ARSB: variants seen among roughly 807,000 people sequenced by gnomAD.
ARSB encodes the protein arylsulfatase B.
ARSB carries 41 observed loss-of-function variants against 50.9 expected under a neutral mutation model. That is an observed-to-expected ratio of 0.81 (90% CI 0.63 to 1.04). The LOEUF (loss-of-function observed/expected upper bound fraction) is 1.04. Ranked by LOEUF, ARSB falls within the 50% of genes least tolerant of loss-of-function variation. ARSB has a pLI of 0.00. For synonymous variants in ARSB, 269 were observed against 284.8 expected, an observed-to-expected ratio of 0.94 and a Z score of 0.56; for missense variants, 672 against 693.3, an observed-to-expected ratio of 0.97 and a Z score of 0.35.
intron 5 of ARSB, among the ~76,000 whole-genome samples, chr5:78,874,796 A>G (rs1288313238): frequency 2.6e-5 from 4 of 152,178 alleles, no homozygotes; most frequent in Non-Finnish European, 5.9e-5. Context: ...AAGACCATCT[A>G]CTAGGCCAAG....
At chr5:78,966,587 C>T (rs12109126) in intron 2 of ARSB, among the ~76,000 whole-genome samples, 40,278 of 152,110 alleles carry the variant, frequency 0.26, 6,627 homozygotes, top group African/African-American at 0.47. Context: ...TCATAACCTT[C>T]TTGGCTGCAA....
chr5:78,864,164 TA>T (rs1428567470), intron 5 of ARSB, among the ~76,000 whole-genome samples: 7 of 151,846 alleles, frequency 4.6e-5, no homozygotes, highest in South Asian at 2.1e-4. Context: ...AAAAGAGGGT[TA>T]GGGGGTACAA....
chr5:78,979,894 C>T (rs1561539415), intron 1 of ARSB, among the ~76,000 whole-genome samples: 1 of 152,160 alleles, frequency 6.6e-6, no homozygotes, highest in Non-Finnish European at 1.5e-5. Context: ...GCGCAAACAA[C>T]CTAATGTCCA....
chr5:78,848,549 G>C (rs1745576007), intron 5 of ARSB, among the ~76,000 whole-genome samples: 1 of 151,474 alleles, frequency 6.6e-6, no homozygotes, highest in Admixed American at 6.6e-5. Context: ...CTTTATAGCA[G>C]CATGATTTAT....
chr5:78,943,027 T>G (rs537775900), intron 4 of ARSB, among the ~76,000 whole-genome samples: 1 of 152,346 alleles, frequency 6.6e-6, no homozygotes, highest in South Asian at 2.1e-4. Flanking sequence ...CCCTTTACCA[T>G]TATGTAATGG....
intron 6 of ARSB, among the ~76,000 whole-genome samples, chr5:78,803,857 A>C (rs1019771040): frequency 6.6e-6 from 1 of 152,234 alleles, no homozygotes; most frequent in Non-Finnish European, 1.5e-5. Flanking sequence ...ATCCCATTTG[A>C]TGGTTATTTA....
intron 3 of ARSB, among the ~76,000 whole-genome samples, chr5:78,961,766 T>C (rs1751995776): frequency 6.6e-6 from 1 of 151,954 alleles, no homozygotes. Flanking sequence ...AGCTGGCTTC[T>C]GCTTGCCTCT....
At chr5:78,867,405 C>G (rs1030430664) in intron 5 of ARSB, among the ~76,000 whole-genome samples, 3 of 152,154 alleles carry the variant, frequency 2.0e-5, no homozygotes, top group Non-Finnish European at 2.9e-5. Flanking sequence ...CCTCTGCAGA[C>G]TTAAATGTCC....
At chr5:78,822,782 T>A (rs993710785) in intron 6 of ARSB, among the ~76,000 whole-genome samples, 3 of 152,222 alleles carry the variant, frequency 2.0e-5, no homozygotes, top group East Asian at 3.9e-4. Context: ...GGACTACAGA[T>A]GTGTGCCACC....
rs1752122947 is a variant in ARSB at position 78,964,449 on chromosome 5, A to G, written c.657T>C (p.Ala219=). Residue 219 remains alanine (A), a synonymous_variant, in exon 3 of 8, where the codon GCT becomes GCC. Coordinates refer to ENST00000264914, the MANE Select transcript of ARSB (RefSeq NM_000046.5). ...MYSTNIFTKR[A]IALITNHPPE... ...GTGGATGGTTAGTTATGAGGGCTAT[A>G]GCCCTTTTGGTGAATATGTTTGTTG... 1 of 1,613,968 alleles carries G rather than the reference A, an allele frequency of 6.2e-7. No homozygotes were observed. Among genetic ancestry groups the G allele is most frequent in the Non-Finnish European group, 8.5e-7 (1 of 1,179,924 alleles).
chr5:78,849,323 A>G (rs1745625471), intron 5 of ARSB, among the ~76,000 whole-genome samples: 2 of 152,276 alleles, frequency 1.3e-5, no homozygotes, highest in South Asian at 4.1e-4. Context: ...TAAATGGGGA[A>G]TCCTTTCCCC....
intron 5 of ARSB, among the ~76,000 whole-genome samples, chr5:78,862,647 C>T (rs952537947): frequency 1.3e-5 from 2 of 152,000 alleles, no homozygotes; most frequent in Non-Finnish European, 2.9e-5. Flanking sequence ...CCATAGAAAC[C>T]CTAGAAGAAA....
chr5:78,785,041 G>A (rs533799655), intron 6 of ARSB, among the ~76,000 whole-genome samples: 11 of 152,096 alleles, frequency 7.2e-5, no homozygotes, highest in East Asian at 1.9e-4. Context: ...CTCATGATCC[G>A]CCCGCCTTGG....
chr5:78,983,020 G>C (rs752183111), intron 1 of ARSB, among the ~76,000 whole-genome samples: 1 of 152,092 alleles, frequency 6.6e-6, no homozygotes, highest in Non-Finnish European at 1.5e-5. Context: ...GAGGATGTTA[G>C]GGGACAAAAG....
chr5:78,847,611 A>G (rs1249536873), intron 5 of ARSB, among the ~76,000 whole-genome samples: 1 of 152,114 alleles, frequency 6.6e-6, no homozygotes, highest in Non-Finnish European at 1.5e-5. Context: ...CTCCTCTTCA[A>G]TTTTCTGGAA....
rs530310542 is a variant in ARSB at position 78,802,065 on chromosome 5, C to T, written c.1214-20091G>A. The stretch of plus-strand genomic sequence containing the variant: ...GGTTTCCTTCAGTTCTTTGGGCACA[C>T]GAAGCTCTGTTCATCCAGTCTAGCC... On this transcript the variant is annotated intron_variant, in intron 6 of 7. Coordinates refer to ENST00000264914, the MANE Select transcript of ARSB (RefSeq NM_000046.5). Among the ~76,000 whole-genome samples the T allele has an allele frequency of 2.2e-3, 330 of 151,824 alleles. 1 individual carries two copies. Among genetic ancestry groups the T allele is most frequent in the South Asian group, 0.017 (81 of 4,820 alleles).
At chr5:78,892,643 G>C (rs1406711008) in intron 4 of ARSB, among the ~76,000 whole-genome samples, 1 of 152,142 alleles carries the variant, frequency 6.6e-6, no homozygotes, top group African/African-American at 2.4e-5. Context: ...GGGAGAGCCA[G>C]GATAACTCCT....
chr5:78,839,004 G>A (rs1745070031), intron 6 of ARSB, among the ~76,000 whole-genome samples: 1 of 152,204 alleles, frequency 6.6e-6, no homozygotes, highest in African/African-American at 2.4e-5. Context: ...TGGCTCTGGA[G>A]CTCTCAGGTA....
chr5:78,899,408 T>C (rs1295778702), intron 4 of ARSB, among the ~76,000 whole-genome samples: 1 of 152,208 alleles, frequency 6.6e-6, no homozygotes, highest in African/African-American at 2.4e-5. Context: ...TTTCTACCCC[T>C]TGCTCTCGCT....
Sources: allele counts gnomAD v4.1 joint callset (sites outside exome capture counted in the v4.1 genomes callset), GRCh38; gene constraint gnomAD v4.1.1; transcripts MANE v1.5; gene names NCBI Gene and HGNC (gene_info 2026-07-23, HGNC 2026-07-21).